The following ATP10B variants were observed in gnomAD, a reference collection of about 807,000 sequenced individuals.
ATP10B encodes the protein ATPase phospholipid transporting 10B (putative).
A neutral mutation model predicts 141.2 loss-of-function variants in ATP10B; 122 were observed. That is an observed-to-expected ratio of 0.86 (90% CI 0.75 to 1.00). The LOEUF (loss-of-function observed/expected upper bound fraction) is 1.00. Ranked by LOEUF, ATP10B falls within the 50% of genes least tolerant of loss-of-function variation. The pLI is 0.00. For missense variants in ATP10B, 1,876 were observed against 1,825.3 expected, an observed-to-expected ratio of 1.03 and a Z score of -0.51; for synonymous variants, 685 against 692.0, an observed-to-expected ratio of 0.99 and a Z score of 0.16.
intron 7 of ATP10B, among the ~76,000 whole-genome samples, chr5:160,669,206 A>G (rs1216888856): frequency 4.6e-5 from 7 of 152,256 alleles, no homozygotes; most frequent in Non-Finnish European, 1.0e-4. Context: ...ACCCAGCTTC[A>G]GTCAGTCAAC....
chr5:160,865,699 T>C, the ATP10B span, among the ~76,000 whole-genome samples: 3 of 151,830 alleles, frequency 2.0e-5, no homozygotes, highest in African/African-American at 7.3e-5. Flanking sequence ...ATATCCAGAA[T>C]CTACAAGGAA....
the ATP10B span, among the ~76,000 whole-genome samples, chr5:160,908,058 T>C: frequency 3.9e-5 from 6 of 152,184 alleles, no homozygotes; most frequent in South Asian, 2.1e-4. Context: ...ATAAAGCCAC[T>C]GGGAGTTCAG....
intron 3 of ATP10B, among the ~76,000 whole-genome samples, chr5:160,694,526 C>G (rs1013801819): frequency 6.6e-6 from 1 of 152,184 alleles, no homozygotes; most frequent in Non-Finnish European, 1.5e-5. Context: ...GGACCTTTAG[C>G]CTAACAAGCT....
intron 24 of ATP10B, among the ~76,000 whole-genome samples, chr5:160,573,421 T>C (rs1279769401): frequency 6.6e-6 from 1 of 152,160 alleles, no homozygotes; most frequent in Non-Finnish European, 1.5e-5. Flanking sequence ...TTCTGCAGCT[T>C]TTTTCGCTTG....
intron 19 of ATP10B, among the ~76,000 whole-genome samples, chr5:160,605,447 G>A (rs574286055): frequency 2.6e-5 from 4 of 152,106 alleles, no homozygotes; most frequent in East Asian, 1.9e-4. Flanking sequence ...GCTATTTCTC[G>A]CCACACTGGT....
chr5:160,848,843 TAA>T (rs1324266834), intron 1 of ATP10B, among the ~76,000 whole-genome samples: 1 of 152,214 alleles, frequency 6.6e-6, no homozygotes, highest in African/African-American at 2.4e-5. Context: ...GAGTATCACC[TAA>T]AGTCATCTTT....
At chr5:160,637,285 C>G (rs180802693) in intron 10 of ATP10B, among the ~76,000 whole-genome samples, 1 of 152,164 alleles carries the variant, frequency 6.6e-6, no homozygotes, top group African/African-American at 2.4e-5. Flanking sequence ...ATCCATCCAT[C>G]CATCCACCCT....
At position 160,743,927 on chromosome 5, in the gene ATP10B, A is replaced by G. The variant is rs553251748; in HGVS notation, c.-330-26893T>C. Among the ~76,000 whole-genome samples, 16 of 152,254 alleles carry G rather than the reference A, an allele frequency of 1.1e-4. No individual in the cohort carries two copies. In the East Asian group the frequency reaches 3.1e-3, roughly 29 times the overall value. ...CAGCAATGCTTCTAATCATCCTATA[A>G]TACCCAGGGCAAGCTCCCACAACAA... On this transcript the variant is annotated intron_variant, in intron 2 of 25. Coordinates refer to ENST00000327245, the MANE Select transcript of ATP10B (RefSeq NM_025153.3).
intron 3 of ATP10B, among the ~76,000 whole-genome samples, chr5:160,710,270 CTGT>C (rs1266961822): frequency 2.3e-5 from 1 of 43,998 alleles, no homozygotes; most frequent in African/African-American, 9.4e-5. Flanking sequence ...TCTCCAGCAC[CTGT>C]TGTTTCCTGA....
chr5:160,635,203 C>T (rs922014854), intron 11 of ATP10B, among the ~76,000 whole-genome samples: 28 of 152,210 alleles, frequency 1.8e-4, no homozygotes, highest in African/African-American at 6.5e-4. Context: ...GACCTTTGAA[C>T]AGAGATATGA....
At chr5:160,916,369 A>C in the ATP10B span, among the ~76,000 whole-genome samples, 1 of 150,622 alleles carries the variant, frequency 6.6e-6, no homozygotes, top group Non-Finnish European at 1.5e-5. Flanking sequence ...CTTTGGACCA[A>C]ATGCTCTCTG....
intron 1 of ATP10B, among the ~76,000 whole-genome samples, chr5:160,822,726 G>C (rs903457939): frequency 4.6e-5 from 7 of 151,700 alleles, no homozygotes; most frequent in Admixed American, 1.3e-4. Context: ...AGATGAAACT[G>C]AAAGTCCTTA....
intron 14 of ATP10B, among the ~76,000 whole-genome samples, chr5:160,621,864 G>A (rs1758366722): frequency 6.6e-6 from 1 of 152,130 alleles, no homozygotes; most frequent in Non-Finnish European, 1.5e-5. Context: ...ATTACACACA[G>A]TATTATTTTT....
At chr5:160,858,315 A>G in the ATP10B span, among the ~76,000 whole-genome samples, 1 of 151,812 alleles carries the variant, frequency 6.6e-6, no homozygotes, top group Non-Finnish European at 1.5e-5. Flanking sequence ...TCTCCATAAT[A>G]TATCTTTTTC....
chr5:160,654,704 GTCA>G (rs151297339), intron 7 of ATP10B, among the ~76,000 whole-genome samples: 2 of 152,048 alleles, frequency 1.3e-5, no homozygotes, highest in African/African-American at 4.8e-5. Flanking sequence ...TGTCGTCATC[GTCA>G]TCATCATCAT....
intron 22 of ATP10B, among the ~76,000 whole-genome samples, chr5:160,595,726 C>G (rs1025706702): frequency 2.6e-5 from 4 of 151,982 alleles, no homozygotes; most frequent in Non-Finnish European, 5.9e-5. Flanking sequence ...ACCGATCCCA[C>G]AGAAATACAA....
Position 160,688,804 on chromosome 5 carries a change from G to T in ATP10B, c.-65C>A. 1.0e-6 allele frequency: 1 copy of T among 985,438 alleles called. No individual in the cohort carries two copies. 61.0% of individuals were successfully genotyped at this position (985,438 alleles called of 1,614,324 possible). A position where few individuals can be genotyped will look rare whatever the true frequency, so the allele number is the denominator to read the frequency against. ...GGAGAGTGATAAGTAGAATAGATGGGAGAGGTTCTTTCCTAGGAAATTTGT... is the reference window on the plus strand; with the variant it reads ...GGAGAGTGATAAGTAGAATAGATGGTAGAGGTTCTTTCCTAGGAAATTTGT... On this transcript the variant is annotated 5_prime_UTR_variant, in exon 4 of 26. Coordinates refer to ENST00000327245, the MANE Select transcript of ATP10B (RefSeq NM_025153.3).
At chr5:160,803,890 T>G (rs1772579868) in intron 1 of ATP10B, among the ~76,000 whole-genome samples, 1 of 152,100 alleles carries the variant, frequency 6.6e-6, no homozygotes, top group Non-Finnish European at 1.5e-5. Context: ...GAGTGCCTCT[T>G]AGATGTCAGA....
chr5:160,790,877 A>G (rs1477382081), intron 1 of ATP10B, among the ~76,000 whole-genome samples: 2 of 152,166 alleles, frequency 1.3e-5, no homozygotes, highest in Non-Finnish European at 2.9e-5. Flanking sequence ...GTGTAATCAC[A>G]TGAGTCCTTT....
Sources: allele counts gnomAD v4.1 joint callset (sites outside exome capture counted in the v4.1 genomes callset), GRCh38; gene constraint gnomAD v4.1.1; transcripts MANE v1.5; gene names NCBI Gene and HGNC (gene_info 2026-07-23, HGNC 2026-07-21).